The following KDM4C variants were observed in gnomAD, a reference collection of about 807,000 sequenced individuals.
The protein encoded by KDM4C is lysine-specific demethylase 4C.
Under a neutral mutation model 129.3 loss-of-function variants are expected in KDM4C, and 81 were observed. The observed-to-expected ratio is 0.63, with a 90% CI of 0.52 to 0.75. KDM4C has a LOEUF of 0.75. Ranked by LOEUF, KDM4C falls within the 30% of genes least tolerant of loss-of-function variation. KDM4C has a pLI of 0.00. For missense variants in KDM4C, 1,457 were observed against 1,304.0 expected (o/e 1.12, Z -1.81); for synonymous variants, 573 against 456.1 (o/e 1.26, Z -3.26).
intron 3 of KDM4C, among the ~76,000 whole-genome samples, chr9:6,810,034 A>C (rs558351012): frequency 7.5e-6 from 1 of 133,978 alleles, no homozygotes; most frequent in East Asian, 1.9e-4. Flanking sequence ...TATAACTTTA[A>C]CTCTAAGAGG....
At position 6,818,311 on chromosome 9, in the gene KDM4C, T is replaced by C. The variant is rs146944911; in HGVS notation, c.435+3566T>C. ...GTACCTTGTATTACATGGTGGATTTTTGTTCGTTTCAGTTTCAAGTGTATT... is the reference window on the plus strand; with the variant it reads ...GTACCTTGTATTACATGGTGGATTTCTGTTCGTTTCAGTTTCAAGTGTATT... On this transcript the variant is annotated intron_variant, in intron 4 of 21. Transcript: ENST00000381309. 3.2e-3 allele frequency among the ~76,000 whole-genome samples: 483 copies of C among 152,314 alleles called. 6 individuals are homozygous for C. Among genetic ancestry groups the C allele is most frequent in the African/African-American group, 0.011 (451 of 41,568 alleles).
chr9:6,914,870 C>T (rs1266464457), intron 8 of KDM4C, among the ~76,000 whole-genome samples: 1 of 152,216 alleles, frequency 6.6e-6, no homozygotes, highest in Non-Finnish European at 1.5e-5. Context: ...ACTTACTTGC[C>T]AGCCTCTAAA....
At chr9:7,009,548 GTA>G (rs1347751014) in intron 12 of KDM4C, among the ~76,000 whole-genome samples, 1 of 152,024 alleles carries the variant, frequency 6.6e-6, no homozygotes, top group African/African-American at 2.4e-5. Context: ...ACCTCTGTAA[GTA>G]TGAGGTAGTC....
At chr9:6,900,629 G>T (rs572568760) in intron 8 of KDM4C, among the ~76,000 whole-genome samples, 151 of 152,286 alleles carry the variant, frequency 9.9e-4, no homozygotes, top group African/African-American at 3.5e-3. Context: ...TGCAAGACCT[G>T]TCTCAAAACA....
intron 17 of KDM4C, among the ~76,000 whole-genome samples, chr9:7,050,355 G>A (rs898580544): frequency 7.1e-6 from 1 of 141,778 alleles, no homozygotes; most frequent in African/African-American, 2.6e-5. Context: ...AAAGGTCACA[G>A]TGACTGTCAG....
rs1029987464 is a variant in KDM4C, at chr9:6,864,842, C to G, written c.629+15142C>G. 2.7e-5 allele frequency among the ~76,000 whole-genome samples: 4 copies of G among 150,864 alleles called. No individual in the cohort carries two copies. In the South Asian group the frequency reaches 6.3e-4, roughly 24 times the overall value. On this transcript the variant is annotated intron_variant, in intron 5 of 21. Coordinates refer to ENST00000381309, the MANE Select transcript of KDM4C (RefSeq NM_015061.6). The stretch of plus-strand genomic sequence containing the variant: ...TTAATTTATTTTTTTTCTCCTGTGT[C>G]TATGTATGTGCCTGTCTTCAAGCTT...
chr9:6,757,618 C>G (rs1272829006), upstream of KDM4C: 3 of 985,310 alleles, frequency 3.0e-6, no homozygotes, highest in African/African-American at 5.2e-5. Context: ...TAACGCCACG[C>G]TGACGTCCGC....
rs573175657 is a variant in KDM4C, at chr9:7,155,267, C to A, written c.2782-9971C>A. On this transcript the variant is annotated intron_variant, in intron 19 of 21. Transcript: ENST00000381309. ...AGCTGGAGACCTGTAAGAGGGAGGG[C>A]AGACCACTCAAGTTGTTGCATTTCA... Among the ~76,000 whole-genome samples, 4 of 152,284 alleles carry A rather than the reference C, an allele frequency of 2.6e-5. No homozygotes were observed. In the East Asian group the frequency reaches 5.8e-4, roughly 22 times the overall value.
intron 17 of KDM4C, among the ~76,000 whole-genome samples, chr9:7,103,030 G>A (rs1327106780): frequency 6.6e-6 from 1 of 152,088 alleles, no homozygotes; most frequent in Non-Finnish European, 1.5e-5. Context: ...TCTTCCCCAG[G>A]CATCATCAGC....
intron 1 of KDM4C, among the ~76,000 whole-genome samples, chr9:6,781,344 C>T (rs942803577): frequency 6.6e-6 from 1 of 152,002 alleles, no homozygotes; most frequent in African/African-American, 2.4e-5. Flanking sequence ...CTGGTCAGAA[C>T]ATTTTCATCA....
chr9:6,991,528 C>G (rs1261653664), intron 12 of KDM4C, among the ~76,000 whole-genome samples: 2 of 152,130 alleles, frequency 1.3e-5, no homozygotes, highest in Non-Finnish European at 2.9e-5. Context: ...TTAATTCAGG[C>G]AGGTTTTCTG....
chr9:6,935,063 A>AT (rs1824512766), intron 8 of KDM4C, among the ~76,000 whole-genome samples: 1 of 152,128 alleles, frequency 6.6e-6, no homozygotes, highest in African/African-American at 2.4e-5. Flanking sequence ...TTTTCCAGAA[A>AT]TTTATTAAAT....
At chr9:7,153,938 G>A (rs1361457433) in intron 19 of KDM4C, among the ~76,000 whole-genome samples, 1 of 152,204 alleles carries the variant, frequency 6.6e-6, no homozygotes, top group African/African-American at 2.4e-5. Context: ...CTGTAGGCCT[G>A]TGGGTGCTGC....
At position 6,835,319 on chromosome 9, in the gene KDM4C, A is replaced by G. The variant is rs1001881972; in HGVS notation, c.436-14188A>G. ...ATTATGAAGTGTGATGTGGACATCCACAAAGACCTTTACGCCAACACATTG... is the reference window on the plus strand; with the variant it reads ...ATTATGAAGTGTGATGTGGACATCCGCAAAGACCTTTACGCCAACACATTG... On this transcript the variant is annotated intron_variant, in intron 4 of 21. Coordinates refer to ENST00000381309, the MANE Select transcript of KDM4C (RefSeq NM_015061.6). The G allele has an allele frequency of 1.5e-5, 14 of 939,342 alleles. No individual in the cohort carries two copies. The African/African-American group carries it at 1.8e-4, about 12-fold the overall frequency. 58.2% of individuals were successfully genotyped at this position (939,342 alleles called of 1,614,324 possible). A position where few individuals can be genotyped will look rare whatever the true frequency, so the allele number is the denominator to read the frequency against.
chr9:6,943,201 CT>C (rs913982689), intron 8 of KDM4C, among the ~76,000 whole-genome samples: 27 of 151,986 alleles, frequency 1.8e-4, no homozygotes, highest in African/African-American at 4.1e-4. Flanking sequence ...GATTTTTATT[CT>C]TTTTTTTCTT....
chr9:7,123,819 T>C (rs1564147372), intron 18 of KDM4C, among the ~76,000 whole-genome samples: 1 of 152,124 alleles, frequency 6.6e-6, no homozygotes, highest in Non-Finnish European at 1.5e-5. Flanking sequence ...CGGAGGCTAC[T>C]GGAGCGGGTG....
chr9:6,782,571 A>G (rs538197890), intron 1 of KDM4C, among the ~76,000 whole-genome samples: 3 of 150,746 alleles, frequency 2.0e-5, no homozygotes, highest in South Asian at 4.2e-4. Flanking sequence ...CACGTGACAC[A>G]TATGTCTATA....
In KDM4C at chr9:7,049,209, C is replaced by G. The variant is rs747099434; in HGVS notation, c.2424+9C>G. 3 of 1,459,140 alleles carry G rather than the reference C, an allele frequency of 2.1e-6. No homozygotes were observed. The highest frequency in any genetic ancestry group is 4.6e-5 in the East Asian group (2 of 43,570). The allele number at this position is 1,459,140 out of a possible 1,614,324, so 90.4% of individuals were successfully genotyped here. A position where few individuals can be genotyped will look rare whatever the true frequency, so the allele number is the denominator to read the frequency against. On this transcript the variant is annotated intron_variant, in intron 17 of 21. Transcript: ENST00000381309. ...TACAGAGGTTAAAATTGGTGAGTGG[C>G]AAAGCTTCTTTTTTACCTCATAAAT...
chr9:6,754,026 C>T (rs182707004), upstream of KDM4C, among the ~76,000 whole-genome samples: 58 of 151,844 alleles, frequency 3.8e-4, no homozygotes, highest in Middle Eastern at 3.4e-3. Context: ...AGGCACCTGC[C>T]ACTGTGCCTG....
Sources: allele counts gnomAD v4.1 joint callset (sites outside exome capture counted in the v4.1 genomes callset), GRCh38; gene constraint gnomAD v4.1.1; transcripts MANE v1.5; gene names NCBI Gene and HGNC (gene_info 2026-07-23, HGNC 2026-07-21).